Variants in ACSM4 observed in about 807,000 individuals in gnomAD.
The protein encoded by ACSM4 is acyl-CoA synthetase medium chain family member 4, also known as acyl-coenzyme A synthetase ACSM4, mitochondrial.
ACSM4 carries 66 observed loss-of-function variants against 73.0 expected under a neutral mutation model. The observed-to-expected ratio is 0.90, with a 90% CI of 0.74 to 1.11. ACSM4 has a LOEUF of 1.11. Ranked by LOEUF, ACSM4 falls within the 50% of genes least tolerant of loss-of-function variation. ACSM4 has a pLI of 0.00. For synonymous variants in ACSM4, 222 were observed against 254.0 expected (o/e 0.87, Z 1.20); for missense variants, 645 against 714.4 (o/e 0.90, Z 1.11).
Position 7,320,716 on chromosome 12 carries a change from A to C in ACSM4, c.922-9A>C. On this transcript the variant is annotated splice_polypyrimidine_tract_variant and intron_variant, in intron 5 of 12. Coordinates refer to ENST00000399422, the MANE Select transcript of ACSM4 (RefSeq NM_001080454.2). ...ACTTCTGACATCTGTGTCTTTCTCC[A>C]TCATCCAGACACTTACTACTTATCC... 1 of 1,608,630 alleles carries C rather than the reference A, an allele frequency of 6.2e-7. No individual in the cohort carries two copies. The highest frequency in any genetic ancestry group is 8.5e-7 in the Non-Finnish European group (1 of 1,175,220).
chr12:7,317,027 T>C (rs1946424950), intron 3 of ACSM4, 110 bp from the exon 4 acceptor site: 2 of 1,350,330 alleles, frequency 1.5e-6, no homozygotes, highest in Non-Finnish European at 9.9e-7. Context: ...GGTTCAGTTC[T>C]GTTAACTATC....
chr12:7,318,428 T>C (rs1946436986), intron 5 of ACSM4: 1 of 438,356 alleles, frequency 2.3e-6, no homozygotes, highest in Non-Finnish European at 4.0e-6. Flanking sequence ...TTTGCTAGTG[T>C]TGCTAAATCT....
At chr12:7,325,976 T>C (rs1342027979) in intron 11 of ACSM4, among the ~76,000 whole-genome samples, 1 of 152,216 alleles carries the variant, frequency 6.6e-6, no homozygotes, top group Admixed American at 6.5e-5. Flanking sequence ...AAATAGTTTC[T>C]TCCTGCCACC....
intron 2 of ACSM4, among the ~76,000 whole-genome samples, chr12:7,309,055 T>C (rs1946375924): frequency 6.6e-6 from 1 of 152,272 alleles, no homozygotes; most frequent in South Asian, 2.1e-4. Flanking sequence ...TCACTTTATA[T>C]ACACTTCACT....
intron 4 of ACSM4, 108 bp downstream of exon 4, chr12:7,317,388 T>G: frequency 7.3e-7 from 1 of 1,376,584 alleles, no homozygotes; most frequent in Non-Finnish European, 9.5e-7. Flanking sequence ...TATTGGCAAT[T>G]ATAATAGCTA....
chr12:7,311,584 C>A (rs940267141), intron 3 of ACSM4, among the ~76,000 whole-genome samples: 1 of 152,248 alleles, frequency 6.6e-6, no homozygotes, highest in Non-Finnish European at 1.5e-5. Flanking sequence ...AATTATCATG[C>A]CCATTCATCC....
intron 12 of ACSM4, among the ~76,000 whole-genome samples, chr12:7,327,409 A>G (rs1301912961): frequency 6.6e-6 from 1 of 152,214 alleles, no homozygotes; most frequent in African/African-American, 2.4e-5. Flanking sequence ...TTTTAGGGAC[A>G]GTGCTTGATT....
intron 3 of ACSM4, among the ~76,000 whole-genome samples, chr12:7,313,823 G>A (rs1946403489): frequency 6.6e-6 from 1 of 152,174 alleles, no homozygotes; most frequent in Admixed American, 6.5e-5. Flanking sequence ...GAGTCAGAGT[G>A]AAGCCTGGAA....
chr12:7,310,408 G>A, intron 2 of ACSM4, 131 bp from the exon 3 acceptor site: 1 of 841,144 alleles, frequency 1.2e-6, no homozygotes, highest in East Asian at 2.7e-5. Flanking sequence ...AATATCCTTG[G>A]GCATCAAGGC....
Position 7,317,278 on chromosome 12 carries a change from AAG to A in ACSM4, c.763_764del (p.Arg255ValfsTer16). 1.3e-6 allele frequency: 2 copies of A among 1,554,894 alleles called. No homozygotes were observed. Among genetic ancestry groups the A allele is most frequent in the Non-Finnish European group, 1.7e-6 (2 of 1,150,314 alleles). ...SLGIGFTLCG[R>X]YWLDLKSSDI... ...TCGGCATTGGGTTCACCCTCTGCGGAAGGTAGGGAAGAAAATTCAGTTTGTTT... is the reference window on the plus strand; with the variant it reads ...TCGGCATTGGGTTCACCCTCTGCGGAGTAGGGAAGAAAATTCAGTTTGTTT... On this transcript the variant is annotated frameshift_variant and splice_region_variant, in exon 4 of 13. Coordinates refer to ENST00000399422, the MANE Select transcript of ACSM4 (RefSeq NM_001080454.2). LOFTEE classifies it high-confidence loss of function.
chr12:7,320,854 A>C (rs1946457735), intron 6 of ACSM4, 50 bp downstream of exon 6: 1 of 1,446,706 alleles, frequency 6.9e-7, no homozygotes, highest in East Asian at 2.3e-5. Context: ...GCTACCATCC[A>C]GGATCACAGA....
rs749337518 is a variant in ACSM4, at chr12:7,324,507, T to C, written c.1445T>C (p.Ile482Thr). 19 of 1,614,014 alleles carry C rather than the reference T, an allele frequency of 1.2e-5. No homozygotes were observed. The highest frequency in any genetic ancestry group is 3.3e-5 in the Admixed American group (2 of 60,028). ...CTTCTTTTCCTCTTCAGGTACCGTA[T>C]TGGGCCATTTGAAGTGGAGAGTGCA... ...DDVIISSGYR[I>T]GPFEVESALI... The change falls in exon 11 of 13, where the codon ATT (isoleucine) becomes ACT (threonine). Residue 482 changes from isoleucine to threonine, a missense_variant. By Grantham distance (89) the Ile-to-Thr change is moderately conservative. Transcript: ENST00000399422.
chr12:7,314,512 T>C (rs183432852), intron 3 of ACSM4, among the ~76,000 whole-genome samples: 34 of 152,266 alleles, frequency 2.2e-4, no homozygotes, highest in African/African-American at 7.9e-4. Flanking sequence ...GACAGATAGA[T>C]GGACAGATGA....
In ACSM4 at chr12:7,324,360, T is replaced by C; in HGVS notation, c.1396T>C (p.Trp466Arg). 1 of 1,614,158 alleles carries C rather than the reference T, an allele frequency of 6.2e-7. No individual in the cohort carries two copies. Among genetic ancestry groups the C allele is most frequent in the Non-Finnish European group, 8.5e-7 (1 of 1,179,998 alleles). The change falls in exon 10 of 13, where the codon TGG (tryptophan) becomes CGG (arginine). Residue 466 changes from tryptophan (W) to arginine (R), a missense_variant. Trp to Arg is a moderately radical substitution (Grantham distance 101). Coordinates refer to ENST00000399422, the MANE Select transcript of ACSM4 (RefSeq NM_001080454.2). ...AGTGATGGACAGTGATGGGTATTTC[T>C]GGTTTGTCGGCAGAGCTGATGATGT... The part of the protein sequence containing the change: ...RGVMDSDGYF[W>R]FVGRADDVII...
intron 3 of ACSM4, among the ~76,000 whole-genome samples, chr12:7,312,568 A>G (rs1033375669): frequency 2.0e-5 from 3 of 152,202 alleles, no homozygotes; most frequent in African/African-American, 7.2e-5. Context: ...TAAACCAAAT[A>G]CTACTGGCCA....
chr12:7,322,697 G>A (rs1946473590), intron 7 of ACSM4, among the ~76,000 whole-genome samples, 156 bp downstream of exon 7: 1 of 152,104 alleles, frequency 6.6e-6, no homozygotes, highest in African/African-American at 2.4e-5. Context: ...CTTGCAGATT[G>A]CTCAGTTAGG....
intron 1 of ACSM4, among the ~76,000 whole-genome samples, chr12:7,304,817 T>C (rs538005082): frequency 5.8e-4 from 89 of 152,334 alleles, no homozygotes; most frequent in Non-Finnish European, 1.1e-3. Context: ...CATGCAACAG[T>C]GCTTTGTTTT....
chr12:7,320,194 A>C (rs1414849689), intron 5 of ACSM4, among the ~76,000 whole-genome samples: 2 of 152,222 alleles, frequency 1.3e-5, no homozygotes, highest in South Asian at 4.1e-4. Context: ...TATCTTATTT[A>C]AGAAACCAGA....
intron 2 of ACSM4, 95 bp from the exon 3 acceptor site, chr12:7,310,444 T>C: frequency 8.2e-7 from 1 of 1,221,978 alleles, no homozygotes; most frequent in Non-Finnish European, 1.1e-6. Context: ...AGCTGAAGAA[T>C]GGATTGTGAT....
Sources: gnomAD v4.1 joint callset for allele counts (sites outside exome capture counted in the v4.1 genomes callset) on GRCh38, gnomAD v4.1.1 for gene constraint, MANE v1.5 for transcripts, NCBI Gene and HGNC (gene_info 2026-07-23, HGNC 2026-07-21) for gene names.